The following OR51B5 variants were observed in gnomAD, a reference collection of about 807,000 sequenced individuals.
OR51B5 encodes the protein olfactory receptor family 51 subfamily B member 5.
For synonymous variants in OR51B5, 186 were observed against 144.8 expected (o/e 1.28, Z -2.04); for missense variants, 456 against 374.6 (o/e 1.22, Z -1.79).
chr11:5,401,891 C>T (rs79064742), intron 1 of OR51B5, among the ~76,000 whole-genome samples: 2,342 of 94,492 alleles, frequency 0.025, 37 homozygotes, highest in African/African-American at 0.062. Context: ...TCTCTCTCTT[C>T]CTTCCTTCCT....
intron 1 of OR51B5, chr11:5,489,018 GT>G: frequency 6.2e-7 from 1 of 1,614,062 alleles, no homozygotes. Context: ...TGGCCCAGAT[GT>G]TTTGTGTCCA....
chr11:5,481,485 C>A (rs1851419136), intron 1 of OR51B5, among the ~76,000 whole-genome samples: 1 of 137,710 alleles, frequency 7.3e-6, no homozygotes, highest in Non-Finnish European at 1.5e-5. Flanking sequence ...TCCTATTCAA[C>A]ATAGTGTTGG....
intron 1 of OR51B5, chr11:5,454,597 C>T: frequency 1.8e-6 from 1 of 555,056 alleles, no homozygotes; most frequent in Admixed American, 3.4e-5. Context: ...ATGAATAGTA[C>T]ATTCACTAAA....
chr11:5,408,045 AC>A (rs1322254953), intron 1 of OR51B5, among the ~76,000 whole-genome samples: 1 of 152,078 alleles, frequency 6.6e-6, no homozygotes, highest in East Asian at 1.9e-4. Context: ...GGCTTATGAT[AC>A]CTTTTTCAAT....
intron 1 of OR51B5, among the ~76,000 whole-genome samples, chr11:5,380,461 C>T (rs1229699980): frequency 1.3e-5 from 2 of 152,216 alleles, no homozygotes; most frequent in East Asian, 1.9e-4. Flanking sequence ...TTCTAACAGG[C>T]CTGAGAGTGA....
chr11:5,431,319 G>A (rs1485238851), intron 1 of OR51B5: 1 of 304,994 alleles, frequency 3.3e-6, no homozygotes, highest in Non-Finnish European at 6.5e-6. Flanking sequence ...AGCCATCAAA[G>A]TCAACTCTGT....
chr11:5,374,051 C>A (rs1019166429), intron 1 of OR51B5, among the ~76,000 whole-genome samples: 11 of 152,130 alleles, frequency 7.2e-5, no homozygotes, highest in South Asian at 4.1e-4. Flanking sequence ...TGACCCCTGA[C>A]CCCCGAGCAG....
intron 1 of OR51B5, among the ~76,000 whole-genome samples, chr11:5,359,612 A>G (rs1307677430): frequency 9.8e-4 from 144 of 146,308 alleles, no homozygotes; most frequent in Middle Eastern, 6.8e-3. Flanking sequence ...CAAGCTACCA[A>G]TGACTTTCTT....
chr11:5,417,317 A>G (rs1466688475), intron 1 of OR51B5, among the ~76,000 whole-genome samples: 2 of 151,524 alleles, frequency 1.3e-5, no homozygotes, highest in African/African-American at 2.4e-5. Flanking sequence ...CTAAAACCAT[A>G]AAAACCCTAG....
At chr11:5,413,172 A>C (rs1206607129) in intron 1 of OR51B5, among the ~76,000 whole-genome samples, 1 of 152,204 alleles carries the variant, frequency 6.6e-6, no homozygotes, top group Non-Finnish European at 1.5e-5. Context: ...ACCCAGGCAA[A>C]CAGGGCCTGG....
chr11:5,436,447 C>G (rs986771), intron 1 of OR51B5, among the ~76,000 whole-genome samples: 141,090 of 152,214 alleles, frequency 0.93, 65,470 homozygotes, highest in Non-Finnish European at 0.95. Context: ...ATTCCAGACT[C>G]GCAAGGTGTC....
intron 1 of OR51B5, among the ~76,000 whole-genome samples, chr11:5,452,504 C>A (rs1590003284): frequency 1.4e-5 from 1 of 69,188 alleles, no homozygotes; most frequent in African/African-American, 5.6e-5. Flanking sequence ...GACTCTGTCT[C>A]AAAAAAAAAA....
chr11:5,385,671 C>T (rs10837970), intron 1 of OR51B5, among the ~76,000 whole-genome samples: 27,256 of 150,848 alleles, frequency 0.18, 2,623 homozygotes, highest in African/African-American at 0.25. Context: ...ATAAAGAATA[C>T]GTATAAATAC....
chr11:5,366,055 G>GC (rs1849359689), intron 1 of OR51B5, among the ~76,000 whole-genome samples: 1 of 136,786 alleles, frequency 7.3e-6, no homozygotes, highest in African/African-American at 2.8e-5. Flanking sequence ...TAATCAGCAT[G>GC]TTTGGGGGCT....
chr11:5,447,708 CAGG>C (rs1446618553), intron 1 of OR51B5, among the ~76,000 whole-genome samples: 1 of 152,060 alleles, frequency 6.6e-6, no homozygotes, highest in Non-Finnish European at 1.5e-5. Context: ...GAAGCTGGGG[CAGG>C]AAGAAGGAAC....
At chr11:5,442,005 A>C (rs1247544708) in intron 1 of OR51B5, among the ~76,000 whole-genome samples, 1 of 152,124 alleles carries the variant, frequency 6.6e-6, no homozygotes, top group Non-Finnish European at 1.5e-5. Context: ...TCCTAAATTT[A>C]CTGTTTTCAT....
intron 1 of OR51B5, among the ~76,000 whole-genome samples, chr11:5,373,531 C>A (rs1589959923): frequency 2.0e-5 from 3 of 152,194 alleles, no homozygotes; most frequent in African/African-American, 7.2e-5. Context: ...TGAGGCATTG[C>A]CTCACTTGGG....
At chr11:5,491,671 C>G (rs958283669) in intron 1 of OR51B5, among the ~76,000 whole-genome samples, 1 of 152,174 alleles carries the variant, frequency 6.6e-6, no homozygotes, top group Non-Finnish European at 1.5e-5. Context: ...ATGGATCAAT[C>G]TCAATCAATT....
At chr11:5,389,704 T>G (rs1498467) in intron 1 of OR51B5, 1,288,159 of 1,613,488 alleles carry the variant, frequency 0.8, 517,571 homozygotes, top group Middle Eastern at 0.83. Flanking sequence ...TTAACTCCCA[T>G]AGTATCTACT....
Sources: gnomAD v4.1 joint callset for allele counts (sites outside exome capture counted in the v4.1 genomes callset) on GRCh38, gnomAD v4.1.1 for gene constraint, MANE v1.5 for transcripts, NCBI Gene and HGNC (gene_info 2026-07-23, HGNC 2026-07-21) for gene names.